Variants in GPHN observed in about 807,000 individuals in gnomAD.
GPHN encodes gephyrin.
In GPHN, 17 loss-of-function variants were observed where a neutral mutation model predicts 95.5. The ratio of observed to expected loss-of-function variants is 0.18; its 90% CI spans 0.12 to 0.27. GPHN has a LOEUF of 0.27. Among genes scored for constraint, GPHN ranks in the 10% least tolerant of loss-of-function variants. The probability of loss-of-function intolerance (pLI) is 1.00; values close to 1 mark genes in which losing one functional copy is unlikely to be tolerated. For missense variants in GPHN, 660 were observed against 978.1 expected (o/e 0.67, Z 4.34); for synonymous variants, 320 against 322.5 (o/e 0.99, Z 0.08).
intron 11 of GPHN, among the ~76,000 whole-genome samples, chr14:67,064,488 G>C (rs1316635195): frequency 6.6e-6 from 1 of 152,054 alleles, no homozygotes; most frequent in Non-Finnish European, 1.5e-5. Flanking sequence ...CTATTGATTG[G>C]AATAGTTTCA....
At chr14:66,676,103 T>G (rs1032898430) in intron 1 of GPHN, among the ~76,000 whole-genome samples, 1 of 152,116 alleles carries the variant, frequency 6.6e-6, no homozygotes, top group Non-Finnish European at 1.5e-5. Flanking sequence ...TCTAGTTTAG[T>G]CATCATCTGA....
the GPHN span, among the ~76,000 whole-genome samples, chr14:67,439,110 G>A: frequency 6.6e-6 from 1 of 152,136 alleles, no homozygotes; most frequent in South Asian, 2.1e-4. Flanking sequence ...GCAGAGCTAG[G>A]AAAGTCCAAA....
chr14:67,646,337 T>C, the GPHN span: 1 of 334,016 alleles, frequency 3.0e-6, no homozygotes, highest in Admixed American at 4.5e-5. Flanking sequence ...AAGTCAGTAA[T>C]GTGCAATGGG....
intron 6 of GPHN, among the ~76,000 whole-genome samples, chr14:66,920,528 GC>G: frequency 6.7e-6 from 1 of 148,824 alleles, no homozygotes; most frequent in South Asian, 2.1e-4. Context: ...AAAATGCAGT[GC>G]ATGCTTTTTT....
chr14:67,494,182 G>A, the GPHN span, among the ~76,000 whole-genome samples: 1 of 152,106 alleles, frequency 6.6e-6, no homozygotes, highest in Non-Finnish European at 1.5e-5. Context: ...GCGCCAAACA[G>A]CACTTAGGCA....
At chr14:66,547,160 G>A (rs1391511458) in intron 1 of GPHN, among the ~76,000 whole-genome samples, 1 of 152,126 alleles carries the variant, frequency 6.6e-6, no homozygotes, top group African/African-American at 2.4e-5. Flanking sequence ...AAAGCAGGAG[G>A]AAGGGAAAAG....
chr14:66,561,301 G>A (rs1328526333), intron 1 of GPHN, among the ~76,000 whole-genome samples: 1 of 152,156 alleles, frequency 6.6e-6, no homozygotes, highest in African/African-American at 2.4e-5. Context: ...GATTGGAATA[G>A]TTTCAGAAGG....
At chr14:67,488,245 G>T in the GPHN span, among the ~76,000 whole-genome samples, 1 of 152,374 alleles carries the variant, frequency 6.6e-6, no homozygotes, top group African/African-American at 2.4e-5. Flanking sequence ...GACCACCAGG[G>T]TCTCTGAGTA....
intron 1 of GPHN, among the ~76,000 whole-genome samples, chr14:66,589,108 C>A (rs1469705036): frequency 6.6e-6 from 1 of 152,068 alleles, no homozygotes. Flanking sequence ...AAGTTTCAAC[C>A]CAGAATTGCA....
At chr14:66,788,012 A>T (rs969938869) in intron 3 of GPHN, among the ~76,000 whole-genome samples, 1 of 152,164 alleles carries the variant, frequency 6.6e-6, no homozygotes, top group Non-Finnish European at 1.5e-5. Flanking sequence ...ACATAAAAAA[A>T]TTTTGTTCTG....
At chr14:66,779,045 A>C (rs2059507909) in intron 3 of GPHN, among the ~76,000 whole-genome samples, 1 of 152,074 alleles carries the variant, frequency 6.6e-6, no homozygotes, top group African/African-American at 2.4e-5. Flanking sequence ...GCCCAGCCTC[A>C]AGGGACATTT....
At chr14:67,324,380 ACT>A in the GPHN span, among the ~76,000 whole-genome samples, 4 of 151,988 alleles carry the variant, frequency 2.6e-5, no homozygotes, top group East Asian at 1.9e-4. Context: ...TAAGATGGTA[ACT>A]CTGTCAGGTG....
chr14:66,555,281 A>G (rs2059964257), intron 1 of GPHN, among the ~76,000 whole-genome samples: 1 of 152,188 alleles, frequency 6.6e-6, no homozygotes, highest in African/African-American at 2.4e-5. Context: ...CCTAAATTGC[A>G]TTAAGTTCTA....
intron 3 of GPHN, among the ~76,000 whole-genome samples, chr14:66,814,305 C>T (rs2060878472): frequency 6.6e-6 from 1 of 152,198 alleles, no homozygotes. Context: ...CCAACACCAC[C>T]TCCAGTGCAA....
chr14:67,587,039 A>G, the GPHN span: 7 of 1,547,326 alleles, frequency 4.5e-6, no homozygotes, highest in Non-Finnish European at 6.1e-6. Flanking sequence ...AGCCAAGGCT[A>G]GTTCAATTCC....
chr14:67,395,165 G>A, the GPHN span, among the ~76,000 whole-genome samples: 912 of 152,290 alleles, frequency 6.0e-3, 9 homozygotes, highest in African/African-American at 0.02. Context: ...TCATGGAGGT[G>A]TGCAGAGGTG....
chr14:66,956,679 T>C (rs1003389772), intron 8 of GPHN, among the ~76,000 whole-genome samples: 1 of 152,110 alleles, frequency 6.6e-6, no homozygotes, highest in Admixed American at 6.6e-5. Flanking sequence ...TGCATAAATG[T>C]CTTCTTTTGA....
chr14:67,575,709 C>T, the GPHN span: 17 of 816,930 alleles, frequency 2.1e-5, no homozygotes, highest in Non-Finnish European at 3.0e-5. Context: ...CCTCCCCATC[C>T]TGTCATCGGT....
At chr14:67,364,546 C>A in the GPHN span, 2 of 449,376 alleles carry the variant, frequency 4.5e-6, no homozygotes, top group South Asian at 2.9e-5. Flanking sequence ...GAGAATCACC[C>A]AAGCATTACA....
Sources: gnomAD v4.1 joint callset for allele counts (sites outside exome capture counted in the v4.1 genomes callset) on GRCh38, gnomAD v4.1.1 for gene constraint, MANE v1.5 for transcripts, NCBI Gene and HGNC (gene_info 2026-07-23, HGNC 2026-07-21) for gene names.